RRM2: variants seen among roughly 807,000 people sequenced by gnomAD.
The protein encoded by RRM2 is ribonucleotide reductase regulatory subunit M2, also known as ribonucleoside-diphosphate reductase subunit M2.
In RRM2, 6 loss-of-function variants were observed where a neutral mutation model predicts 45.9. The observed-to-expected ratio is 0.13, with a 90% confidence interval of 0.07 to 0.26. The LOEUF (loss-of-function observed/expected upper bound fraction) is 0.26, where lower values mean the gene tolerates loss of function less well. Among genes scored for constraint, RRM2 ranks in the 10% least tolerant of loss-of-function variants. The probability of loss-of-function intolerance (pLI) is 1.00; values close to 1 mark genes in which losing one functional copy is unlikely to be tolerated. For synonymous variants in RRM2, 177 were observed against 173.0 expected (o/e 1.02, Z -0.18); for missense variants, 343 against 489.5 (o/e 0.70, Z 2.82).
chr2:10,123,090 G>A, intron 2 of RRM2, 33 bp downstream of exon 2: 2 of 1,530,384 alleles, frequency 1.3e-6, no homozygotes, highest in Non-Finnish European at 1.7e-6. Context: ...AGGGGCCAGG[G>A]ACGGCCTTGG....
intron 3 of RRM2, among the ~76,000 whole-genome samples, chr2:10,188,278 G>A (rs1053436749): frequency 5.9e-5 from 9 of 152,186 alleles, no homozygotes; most frequent in African/African-American, 2.2e-4. Context: ...CCACAGAATG[G>A]GGGCTCACAC....
At chr2:10,166,052 C>T (rs78150330) in intron 3 of RRM2, among the ~76,000 whole-genome samples, 209 of 152,268 alleles carry the variant, frequency 1.4e-3, no homozygotes, top group Non-Finnish European at 2.9e-4. Flanking sequence ...CTTGCTGGGT[C>T]GTCACAGGGG....
At chr2:10,162,266 G>A (rs541001557) in intron 3 of RRM2, among the ~76,000 whole-genome samples, 7 of 152,286 alleles carry the variant, frequency 4.6e-5, no homozygotes, top group African/African-American at 9.6e-5. Context: ...GTGTGGAGCC[G>A]CCCGTCGTTC....
chr2:10,139,502 G>GTGA (rs1353198352), upstream of RRM2, among the ~76,000 whole-genome samples: 1 of 152,200 alleles, frequency 6.6e-6, no homozygotes, highest in African/African-American at 2.4e-5. Flanking sequence ...CTGTGAGCTG[G>GTGA]TGACAAGCTG....
upstream of RRM2, among the ~76,000 whole-genome samples, chr2:10,139,947 G>GT (rs1663050768): frequency 6.6e-6 from 1 of 152,170 alleles, no homozygotes. Context: ...CTAGGAATAT[G>GT]TTTTAAAAAT....
chr2:10,123,635 A>T, intron 3 of RRM2, 101 bp from the exon 4 acceptor site: 1 of 1,460,022 alleles, frequency 6.8e-7, no homozygotes, highest in Non-Finnish European at 9.4e-7. Flanking sequence ...TGTGGGGCAT[A>T]GTAAGTGGTG....
intron 3 of RRM2, among the ~76,000 whole-genome samples, chr2:10,200,005 G>A (rs551516626): frequency 2.8e-4 from 43 of 151,938 alleles, no homozygotes; most frequent in Non-Finnish European, 5.7e-4. Context: ...GCTAATTTTT[G>A]TATTTTTAGT....
At chr2:10,163,736 T>A (rs1318454778) in intron 3 of RRM2, among the ~76,000 whole-genome samples, 1 of 152,228 alleles carries the variant, frequency 6.6e-6, no homozygotes, top group Non-Finnish European at 1.5e-5. Context: ...TAGTGGCTGT[T>A]CTCTCCCCTC....
At chr2:10,148,410 AT>A (rs1440384036) in intron 3 of RRM2, among the ~76,000 whole-genome samples, 5 of 151,662 alleles carry the variant, frequency 3.3e-5, no homozygotes, top group East Asian at 3.8e-4. Context: ...TGAAAAAAAA[AT>A]ATTCAGTTAT....
intron 3 of RRM2, among the ~76,000 whole-genome samples, chr2:10,160,033 G>A (rs1663522685): frequency 6.6e-6 from 1 of 152,134 alleles, no homozygotes; most frequent in Non-Finnish European, 1.5e-5. Flanking sequence ...TCTGTGATGA[G>A]TTTCTTCCCT....
downstream of RRM2, among the ~76,000 whole-genome samples, chr2:10,135,181 A>G (rs1238829720): frequency 6.6e-6 from 1 of 152,062 alleles, no homozygotes; most frequent in Non-Finnish European, 1.5e-5. Flanking sequence ...ATGAGCAGAG[A>G]AATTGGTTGG....
chr2:10,123,975 T>C (rs1662726875), intron 4 of RRM2, 123 bp downstream of exon 4: 3 of 689,666 alleles, frequency 4.3e-6, no homozygotes, highest in South Asian at 1.7e-5. Flanking sequence ...CTGGGTTTTA[T>C]ATTACATGGC....
At chr2:10,173,210 G>T (rs891196571) in intron 3 of RRM2, among the ~76,000 whole-genome samples, 1 of 152,122 alleles carries the variant, frequency 6.6e-6, no homozygotes, top group African/African-American at 2.4e-5. Context: ...AAGCTTGGCC[G>T]GCATGGGTTC....
chr2:10,139,761 C>CA (rs904521596), upstream of RRM2, among the ~76,000 whole-genome samples: 1 of 152,208 alleles, frequency 6.6e-6, no homozygotes, highest in Non-Finnish European at 1.5e-5. Context: ...TTCTGGAACA[C>CA]AGAGAGTGGT....
intron 3 of RRM2, among the ~76,000 whole-genome samples, chr2:10,167,900 T>C (rs1482759778): frequency 6.6e-6 from 1 of 152,178 alleles, no homozygotes; most frequent in Non-Finnish European, 1.5e-5. Flanking sequence ...CCGGGCTTTC[T>C]TGGAGACAGC....
intron 3 of RRM2, among the ~76,000 whole-genome samples, chr2:10,207,603 C>G (rs957467486): frequency 1.6e-4 from 24 of 152,296 alleles, no homozygotes; most frequent in African/African-American, 5.3e-4. Context: ...CCCACATAGG[C>G]TCTTGTCTGT....
intron 3 of RRM2, among the ~76,000 whole-genome samples, chr2:10,184,091 TAA>T (rs60421650): frequency 1.4e-3 from 43 of 30,676 alleles, no homozygotes; most frequent in South Asian, 5.6e-3. Context: ...AGACTCCATC[TAA>T]AAAAAAAAAA....
chr2:10,201,863 A>C (rs2125333771), intron 3 of RRM2, among the ~76,000 whole-genome samples: 1 of 152,374 alleles, frequency 6.6e-6, no homozygotes, highest in South Asian at 2.1e-4. Context: ...TTCGTATTTG[A>C]CAATATTTTC....
At chr2:10,180,060 G>A (rs937256912) in intron 3 of RRM2, among the ~76,000 whole-genome samples, 1 of 152,188 alleles carries the variant, frequency 6.6e-6, no homozygotes, top group African/African-American at 2.4e-5. Context: ...CTGAGCAGAG[G>A]TTAATGCCAT....
Sources: allele counts gnomAD v4.1 joint callset (sites outside exome capture counted in the v4.1 genomes callset), GRCh38; gene constraint gnomAD v4.1.1; transcripts MANE v1.5; gene names NCBI Gene and HGNC (gene_info 2026-07-23, HGNC 2026-07-21).